Variants in CLSTN2 observed in about 807,000 individuals in gnomAD.
The protein encoded by CLSTN2 is calsyntenin 2.
Under a neutral mutation model 101.2 loss-of-function variants are expected in CLSTN2, and 48 were observed. That is an observed-to-expected ratio of 0.47 (90% CI 0.38 to 0.60). The LOEUF is 0.60. CLSTN2 is among the 20% of genes least tolerant of loss of function. CLSTN2 has a pLI of 0.00. For synonymous variants in CLSTN2, 481 were observed against 463.6 expected, an observed-to-expected ratio of 1.04 and a Z score of -0.48; for missense variants, 1,160 against 1,238.2, an observed-to-expected ratio of 0.94 and a Z score of 0.95.
intron 1 of CLSTN2, among the ~76,000 whole-genome samples, chr3:140,098,500 G>A (rs565861593): frequency 1.3e-5 from 2 of 152,224 alleles, no homozygotes; most frequent in African/African-American, 4.8e-5. Context: ...AAGACTGAGG[G>A]AGACAGAGAA....
intron 10 of CLSTN2, among the ~76,000 whole-genome samples, chr3:140,552,407 A>AAT (rs1419636979): frequency 6.6e-6 from 1 of 151,358 alleles, no homozygotes; most frequent in Non-Finnish European, 1.5e-5. Flanking sequence ...AGTTTAAAAA[A>AAT]AAAAAAAAAA....
chr3:140,222,872 A>T (rs1432428260), intron 2 of CLSTN2, among the ~76,000 whole-genome samples: 1 of 22,968 alleles, frequency 4.4e-5, no homozygotes, highest in Non-Finnish European at 1.2e-4. Flanking sequence ...TTAAAATTTT[A>T]AGAAAAAAAA....
At chr3:139,973,056 A>G (rs1576381968) in intron 1 of CLSTN2, among the ~76,000 whole-genome samples, 1 of 152,208 alleles carries the variant, frequency 6.6e-6, no homozygotes, top group South Asian at 2.1e-4. Flanking sequence ...GACTGGTGGG[A>G]AAGGAAACTG....
Position 139,965,521 on chromosome 3 carries a change from G to A in CLSTN2, c.109+30038G>A, listed in dbSNP as rs532187773. Reference sequence around the variant, plus strand: ...CCTTCTGGCGAGTACTGAGGGAAAAGGCAGAGAAGGGTAAATGGCAATGCT... The same window carrying A: ...CCTTCTGGCGAGTACTGAGGGAAAAAGCAGAGAAGGGTAAATGGCAATGCT... On this transcript the variant is annotated intron_variant, in intron 1 of 16. Coordinates refer to ENST00000458420, the MANE Select transcript of CLSTN2 (RefSeq NM_022131.3). Among the ~76,000 whole-genome samples the A allele has an allele frequency of 1.1e-3, 168 of 152,308 alleles. 2 individuals are homozygous for A. Among genetic ancestry groups the A allele is most frequent in the Non-Finnish European group, 9.1e-4 (62 of 68,020 alleles).
In CLSTN2 at chr3:139,993,342, C is replaced by T. The variant is rs1936148246; in HGVS notation, c.109+57859C>T. On this transcript the variant is annotated intron_variant, in intron 1 of 16. Transcript: ENST00000458420. ...TTCATGTGGTTCTAGATCCATGTGGCCTGTACCTCATATCCTAACTCAGCT... is the reference window on the plus strand; with the variant it reads ...TTCATGTGGTTCTAGATCCATGTGGTCTGTACCTCATATCCTAACTCAGCT... 2.0e-5 allele frequency among the ~76,000 whole-genome samples: 3 copies of T among 152,288 alleles called. No individual in the cohort carries two copies. In the South Asian group the frequency reaches 6.2e-4, roughly 32 times the overall value.
At chr3:140,249,798 C>A (rs1346531869) in intron 2 of CLSTN2, among the ~76,000 whole-genome samples, 4 of 152,128 alleles carry the variant, frequency 2.6e-5, no homozygotes, top group Non-Finnish European at 5.9e-5. Flanking sequence ...TGGGTCCCAA[C>A]CAAGAGAACT....
Position 139,967,014 on chromosome 3 carries a change from A to G in CLSTN2, c.109+31531A>G, listed in dbSNP as rs115755152. ...TGGCTAGGGGCATACACGTGAGTAA[A>G]TGTGTTGGAGGTGGAGGAAACTTGC... On this transcript the variant is annotated intron_variant, in intron 1 of 16. Coordinates refer to ENST00000458420, the MANE Select transcript of CLSTN2 (RefSeq NM_022131.3). 2.2e-3 allele frequency among the ~76,000 whole-genome samples: 328 copies of G among 152,254 alleles called. 1 individual carries two copies. Among genetic ancestry groups the G allele is most frequent in the African/African-American group, 7.7e-3 (319 of 41,536 alleles).
At chr3:140,143,686 T>C (rs2009736585) in intron 1 of CLSTN2, among the ~76,000 whole-genome samples, 1 of 152,160 alleles carries the variant, frequency 6.6e-6, no homozygotes, top group Admixed American at 6.5e-5. Flanking sequence ...CCCACCTACA[T>C]GTGCCAGTCA....
At chr3:140,149,054 G>A (rs892840215) in intron 1 of CLSTN2, among the ~76,000 whole-genome samples, 2 of 152,248 alleles carry the variant, frequency 1.3e-5, no homozygotes, top group Non-Finnish European at 1.5e-5. Context: ...GCTGTACTGA[G>A]CAATATGGAG....
intron 2 of CLSTN2, among the ~76,000 whole-genome samples, chr3:140,202,431 A>T (rs1486858163): frequency 6.6e-6 from 1 of 152,184 alleles, no homozygotes; most frequent in African/African-American, 2.4e-5. Flanking sequence ...TGCCTACAAG[A>T]TTTGGCACCT....
chr3:140,291,295 C>T (rs540880602), intron 2 of CLSTN2, among the ~76,000 whole-genome samples: 1 of 152,190 alleles, frequency 6.6e-6, no homozygotes, highest in Admixed American at 6.5e-5. Context: ...TACTCTCTCT[C>T]CCCTCCAGGC....
intron 2 of CLSTN2, among the ~76,000 whole-genome samples, chr3:140,232,150 T>C (rs978573384): frequency 6.6e-6 from 1 of 152,158 alleles, no homozygotes; most frequent in African/African-American, 2.4e-5. Context: ...GAGATGGAAG[T>C]ACACAGGCTT....
chr3:140,565,747 G>A (rs1936013303), intron 16 of CLSTN2, among the ~76,000 whole-genome samples: 1 of 152,202 alleles, frequency 6.6e-6, no homozygotes, highest in Non-Finnish European at 1.5e-5. Flanking sequence ...GCCTTGGCCT[G>A]AAAGGTTCAG....
At chr3:140,185,715 G>T (rs959437157) in intron 2 of CLSTN2, among the ~76,000 whole-genome samples, 12 of 152,140 alleles carry the variant, frequency 7.9e-5, no homozygotes, top group Admixed American at 3.9e-4. Context: ...CGTGGGGAAG[G>T]GGGCAACTGT....
chr3:140,525,455 A>C (rs1253501044), intron 8 of CLSTN2, among the ~76,000 whole-genome samples: 2 of 152,154 alleles, frequency 1.3e-5, no homozygotes, highest in Non-Finnish European at 2.9e-5. Flanking sequence ...CCTACTAACC[A>C]AAAAGAGCCC....
chr3:140,106,324 G>T (rs2009057902), intron 1 of CLSTN2, among the ~76,000 whole-genome samples: 2 of 152,164 alleles, frequency 1.3e-5, no homozygotes. Flanking sequence ...AATTCTCCCA[G>T]AATAGACAGA....
intron 1 of CLSTN2, among the ~76,000 whole-genome samples, chr3:140,118,835 G>A (rs1318491939): frequency 3.9e-5 from 6 of 152,290 alleles, no homozygotes; most frequent in Middle Eastern, 3.4e-3. Context: ...ATAGAAAGGG[G>A]CTCCCCAAGT....
At chr3:140,534,182 T>G (rs536624576) in intron 9 of CLSTN2, among the ~76,000 whole-genome samples, 1 of 152,248 alleles carries the variant, frequency 6.6e-6, no homozygotes, top group East Asian at 1.9e-4. Flanking sequence ...TGTGGCTTAG[T>G]GCCCTAGCCA....
At chr3:140,348,161 T>C (rs1156518665) in intron 2 of CLSTN2, among the ~76,000 whole-genome samples, 1 of 152,216 alleles carries the variant, frequency 6.6e-6, no homozygotes, top group Non-Finnish European at 1.5e-5. Context: ...ACTCTGGAAA[T>C]GGTAGAGTTA....
Sources: gnomAD v4.1 joint callset for allele counts (sites outside exome capture counted in the v4.1 genomes callset) on GRCh38, gnomAD v4.1.1 for gene constraint, MANE v1.5 for transcripts, NCBI Gene and HGNC (gene_info 2026-07-23, HGNC 2026-07-21) for gene names.